The following OR6N1 variants were observed in gnomAD, a reference collection of about 807,000 sequenced individuals.
OR6N1 encodes the protein olfactory receptor family 6 subfamily N member 1.
For synonymous variants in OR6N1, 170 were observed against 150.7 expected, an observed-to-expected ratio of 1.13 and a Z score of -0.94; for missense variants, 394 against 371.7, an observed-to-expected ratio of 1.06 and a Z score of -0.49.
chr1:158,825,165 C>A, the OR6N1 span, among the ~76,000 whole-genome samples: 1 of 152,178 alleles, frequency 6.6e-6, no homozygotes, highest in Admixed American at 6.5e-5. Context: ...AAGGGCCAGG[C>A]GCAGTGGCTC....
the OR6N1 span, among the ~76,000 whole-genome samples, chr1:158,798,196 C>G: frequency 0.011 from 1,734 of 151,428 alleles, 38 homozygotes; most frequent in African/African-American, 0.038. Context: ...TTTTAGGAAC[C>G]AACATTTTTA....
chr1:158,775,034 G>A (rs908376779), upstream of OR6N1: 3 of 152,014 alleles, frequency 2.0e-5, no homozygotes, highest in Admixed American at 1.3e-4. Context: ...TTAGTTTCTG[G>A]ACACACAACA....
chr1:158,772,281 A>G (rs1056162147), upstream of OR6N1: 2 of 152,206 alleles, frequency 1.3e-5, no homozygotes, highest in African/African-American at 4.8e-5. Context: ...GCAGAAGCCC[A>G]TGGGCCTTCT....
the OR6N1 span, among the ~76,000 whole-genome samples, chr1:158,820,164 G>A: frequency 2.0e-5 from 3 of 152,168 alleles, no homozygotes; most frequent in South Asian, 2.1e-4. Context: ...TATTGTTTGT[G>A]GCTTAAGAAC....
chr1:158,839,073 G>A, the OR6N1 span, among the ~76,000 whole-genome samples: 1 of 152,084 alleles, frequency 6.6e-6, no homozygotes, highest in African/African-American at 2.4e-5. Context: ...TCTGAGGGCT[G>A]TGTTTCTTTA....
the OR6N1 span, among the ~76,000 whole-genome samples, chr1:158,805,934 C>T: frequency 2.6e-5 from 4 of 152,140 alleles, no homozygotes; most frequent in Non-Finnish European, 5.9e-5. Context: ...GTAAGTCCCC[C>T]ATGTTCACTG....
chr1:158,777,114 G>C, upstream of OR6N1: 1 of 1,614,190 alleles, frequency 6.2e-7, no homozygotes, highest in Non-Finnish European at 8.5e-7. Flanking sequence ...AAATGTGTTG[G>C]ATTTCATTGT....
chr1:158,820,047 T>TA, the OR6N1 span, among the ~76,000 whole-genome samples: 2 of 152,204 alleles, frequency 1.3e-5, no homozygotes, highest in South Asian at 2.1e-4. Flanking sequence ...TAAGATTTGC[T>TA]AAAAATATTC....
At chr1:158,827,743 G>A in the OR6N1 span, among the ~76,000 whole-genome samples, 17 of 152,282 alleles carry the variant, frequency 1.1e-4, no homozygotes, top group Non-Finnish European at 2.2e-4. Flanking sequence ...CAGTTTGTGC[G>A]TTGTCTGGTG....
the OR6N1 span, among the ~76,000 whole-genome samples, chr1:158,788,596 A>T: frequency 7.2e-5 from 11 of 152,262 alleles, no homozygotes; most frequent in Admixed American, 5.2e-4. Flanking sequence ...TGATACATTC[A>T]TGTAATGTGT....
upstream of OR6N1, among the ~76,000 whole-genome samples, chr1:158,772,582 AG>A (rs1657449299): frequency 6.6e-6 from 1 of 152,222 alleles, no homozygotes; most frequent in South Asian, 2.1e-4. Flanking sequence ...TGACCCTGAA[AG>A]GGTGAGGACA....
At chr1:158,817,547 T>C in the OR6N1 span, among the ~76,000 whole-genome samples, 1 of 152,198 alleles carries the variant, frequency 6.6e-6, no homozygotes. Context: ...TGTTCAAAAA[T>C]ATGGGATCAG....
chr1:158,814,250 T>A, the OR6N1 span, among the ~76,000 whole-genome samples: 1 of 152,200 alleles, frequency 6.6e-6, no homozygotes, highest in South Asian at 2.1e-4. Context: ...TGGGTAAGTA[T>A]ACATATATGT....
chr1:158,786,840 G>A, the OR6N1 span, among the ~76,000 whole-genome samples: 2 of 151,928 alleles, frequency 1.3e-5, no homozygotes, highest in Non-Finnish European at 2.9e-5. Context: ...GGGGACTCAG[G>A]GGGGAAAAGG....
chr1:158,777,611 G>T, the OR6N1 span: 2 of 1,613,348 alleles, frequency 1.2e-6, no homozygotes, highest in East Asian at 4.5e-5. Context: ...AATTCAGCCA[G>T]GCTTGAATGG....
chr1:158,836,141 T>TAA, the OR6N1 span, among the ~76,000 whole-genome samples: 6,774 of 150,198 alleles, frequency 0.045, 289 homozygotes, highest in East Asian at 0.15. Flanking sequence ...TAGCATTTTG[T>TAA]AAAAAAAAAA....
Position 158,764,436 on chromosome 1 carries a change from G to A in OR6N1, c.*1308C>T, listed in dbSNP as rs1368237669. The A allele has an allele frequency of 1.3e-5, 2 of 151,720 alleles. No individual in the cohort carries two copies. The highest frequency in any genetic ancestry group is 4.8e-5 in the African/African-American group (2 of 41,362). The allele number at this position is 151,720 out of a possible 1,614,324, so 9.4% of individuals were successfully genotyped here. A position where few individuals can be genotyped will look rare whatever the true frequency, so the allele number is the denominator to read the frequency against. On this transcript the variant is annotated 3_prime_UTR_variant, in exon 2 of 2. Coordinates refer to ENST00000641846, the MANE Select transcript of OR6N1 (RefSeq NM_001005185.2). Reference sequence around the variant, plus strand: ...TAAAACACCCTAAAGGTAGGACCTGGACATATATATGTCTTGTTCATTGCT... The same window carrying A: ...TAAAACACCCTAAAGGTAGGACCTGAACATATATATGTCTTGTTCATTGCT...
the OR6N1 span, among the ~76,000 whole-genome samples, chr1:158,828,256 A>G: frequency 6.6e-6 from 1 of 152,114 alleles, no homozygotes; most frequent in African/African-American, 2.4e-5. Context: ...AAAGTCATTA[A>G]CTCAAAAGTC....
At chr1:158,777,260 T>C in the OR6N1 span, 4 of 1,614,042 alleles carry the variant, frequency 2.5e-6, no homozygotes, top group Non-Finnish European at 2.5e-6. Context: ...GGCCGACAAA[T>C]GGCCAGGTAT....
Sources: allele counts gnomAD v4.1 joint callset (sites outside exome capture counted in the v4.1 genomes callset), GRCh38; gene constraint gnomAD v4.1.1; transcripts MANE v1.5; gene names NCBI Gene and HGNC (gene_info 2026-07-23, HGNC 2026-07-21).